The following FAM135B variants were observed in gnomAD, a reference collection of about 807,000 sequenced individuals.
FAM135B encodes family with sequence similarity 135 member B.
A neutral mutation model predicts 127.7 loss-of-function variants in FAM135B; 43 were observed. The ratio of observed to expected loss-of-function variants is 0.34; its 90% CI spans 0.26 to 0.43. The LOEUF is 0.43. FAM135B is among the 20% of genes least tolerant of loss of function. The probability of loss-of-function intolerance (pLI) is 1.00; values close to 1 mark genes in which losing one functional copy is unlikely to be tolerated. For synonymous variants in FAM135B, 670 were observed against 665.1 expected, an observed-to-expected ratio of 1.01 and a Z score of -0.11; for missense variants, 1,558 against 1,725.6, an observed-to-expected ratio of 0.90 and a Z score of 1.72.
chr8:138,221,820 A>G (rs1819042877), intron 7 of FAM135B, among the ~76,000 whole-genome samples: 1 of 152,224 alleles, frequency 6.6e-6, no homozygotes, highest in Non-Finnish European at 1.5e-5. Flanking sequence ...TTACAAAGCT[A>G]AAGAATGCAT....
intron 3 of FAM135B, among the ~76,000 whole-genome samples, chr8:138,295,997 G>A (rs1003973935): frequency 3.9e-5 from 6 of 152,122 alleles, no homozygotes; most frequent in African/African-American, 7.2e-5. Flanking sequence ...GCATGCATCC[G>A]GGATGATTTC....
rs150803757 is a variant in FAM135B, at chr8:138,443,948, T to C, written c.-20+52723A>G. 6.4e-3 allele frequency among the ~76,000 whole-genome samples: 978 copies of C among 152,128 alleles called. 14 individuals are homozygous for C. Among genetic ancestry groups the C allele is most frequent in the East Asian group, 0.034 (174 of 5,166 alleles). On this transcript the variant is annotated intron_variant, in intron 1 of 19. Coordinates refer to ENST00000395297, the MANE Select transcript of FAM135B (RefSeq NM_015912.4). The stretch of plus-strand genomic sequence containing the variant: ...CACACATAGGCTCAAAATAAAGGGA[T>C]GGAGGAAGATCTACCAAGCAAATGG...
At chr8:138,146,782 C>T (rs552923579) in intron 14 of FAM135B, among the ~76,000 whole-genome samples, 2 of 152,242 alleles carry the variant, frequency 1.3e-5, no homozygotes, top group East Asian at 3.9e-4. Flanking sequence ...CGTAGGGGTT[C>T]AATTGTGTCT....
chr8:138,473,805 AT>A (rs1411385658), intron 1 of FAM135B, among the ~76,000 whole-genome samples: 2 of 151,582 alleles, frequency 1.3e-5, no homozygotes, highest in Admixed American at 6.6e-5. Flanking sequence ...GTCATGTTAA[AT>A]TTTTTATCCA....
At position 138,241,965 on chromosome 8, in the gene FAM135B, T is replaced by A. The variant is rs1345357232; in HGVS notation, c.669+977A>T. Among the ~76,000 whole-genome samples, 1 of 152,134 alleles carries A rather than the reference T, an allele frequency of 6.6e-6. No homozygotes were observed. The highest frequency in any genetic ancestry group is 6.6e-5 in the Admixed American group (1 of 15,266). On this transcript the variant is annotated intron_variant, in intron 7 of 19. Transcript: ENST00000395297. The surrounding 1 kb of genome is among the most constrained non-coding windows in gnomAD (Gnocchi z 4.8). The stretch of plus-strand genomic sequence containing the variant: ...TGTCTCTCTTATTTATTGTCTTTGA[T>A]CTGGGACATCAGTTTTCTCCTGCCT...
intron 1 of FAM135B, among the ~76,000 whole-genome samples, chr8:138,493,562 T>C (rs1024308956): frequency 1.3e-5 from 2 of 152,198 alleles, no homozygotes; most frequent in African/African-American, 4.8e-5. Flanking sequence ...GTGGCTATCA[T>C]TACAATGCTA....
At chr8:138,221,204 TCTGTTTCTGGGG>T (rs1328119597) in intron 7 of FAM135B, among the ~76,000 whole-genome samples, 4 of 152,176 alleles carry the variant, frequency 2.6e-5, no homozygotes, top group African/African-American at 9.7e-5. Flanking sequence ...CATACTGGCT[TCTGTTTCTGGGG>T]AAGCCTCAGG....
chr8:138,304,223 G>A (rs981196021), intron 3 of FAM135B, among the ~76,000 whole-genome samples: 3 of 152,160 alleles, frequency 2.0e-5, no homozygotes, highest in Non-Finnish European at 2.9e-5. Context: ...ATGACCCTGT[G>A]TTAGTAGCCA....
intron 9 of FAM135B, among the ~76,000 whole-genome samples, chr8:138,183,591 T>A (rs1815278556): frequency 6.6e-6 from 1 of 152,240 alleles, no homozygotes; most frequent in African/African-American, 2.4e-5. Context: ...CCTGGAGACT[T>A]CTGGCATGGG....
chr8:138,474,716 A>G (rs1228369132), intron 1 of FAM135B, among the ~76,000 whole-genome samples: 3 of 152,010 alleles, frequency 2.0e-5, no homozygotes, highest in Non-Finnish European at 2.9e-5. Flanking sequence ...TTTGTACTTT[A>G]CTGCATTATG....
At chr8:138,428,323 G>C (rs57561804) in intron 1 of FAM135B, among the ~76,000 whole-genome samples, 30,551 of 152,010 alleles carry the variant, frequency 0.2, 4,614 homozygotes, top group African/African-American at 0.42. Context: ...CTAGTATACA[G>C]TCCAACGCCC....
At chr8:138,178,022 A>G (rs1814643219) in intron 10 of FAM135B, among the ~76,000 whole-genome samples, 1 of 152,140 alleles carries the variant, frequency 6.6e-6, no homozygotes, top group South Asian at 2.1e-4. Flanking sequence ...AGGCGGGCAG[A>G]TTGCCTGAGG....
intron 9 of FAM135B, among the ~76,000 whole-genome samples, chr8:138,189,237 C>T (rs1057034846): frequency 6.6e-6 from 1 of 152,268 alleles, no homozygotes; most frequent in Non-Finnish European, 1.5e-5. Context: ...CTGGGGATGG[C>T]CAAACCCTGA....
At chr8:138,223,296 C>T (rs1323375971) in intron 7 of FAM135B, among the ~76,000 whole-genome samples, 1 of 152,208 alleles carries the variant, frequency 6.6e-6, no homozygotes, top group Non-Finnish European at 1.5e-5. Context: ...AACTACTTCA[C>T]CCAACACTTG....
At chr8:138,427,602 T>A (rs1428444123) in intron 1 of FAM135B, among the ~76,000 whole-genome samples, 1 of 151,966 alleles carries the variant, frequency 6.6e-6, no homozygotes, top group Non-Finnish European at 1.5e-5. Flanking sequence ...GGTCAGTGAG[T>A]GAGTAAACGT....
chr8:138,322,067 A>C (rs2130948414), intron 2 of FAM135B, among the ~76,000 whole-genome samples: 1 of 152,338 alleles, frequency 6.6e-6, no homozygotes, highest in Non-Finnish European at 1.5e-5. Context: ...CAAATTCCCA[A>C]GGATTCAAAA....
chr8:138,328,714 C>T (rs1047201773), intron 2 of FAM135B, among the ~76,000 whole-genome samples: 1 of 152,176 alleles, frequency 6.6e-6, no homozygotes, highest in African/African-American at 2.4e-5. Context: ...TGAAATCAAA[C>T]AGAGCTAGGT....
chr8:138,143,175 C>T, intron 15 of FAM135B, 66 bp from the exon 16 acceptor site: 1 of 858,330 alleles, frequency 1.2e-6, no homozygotes, highest in East Asian at 2.4e-5. Flanking sequence ...TGTGCACAGC[C>T]TGTGTTCTTC....
At chr8:138,490,869 G>A (rs561837921) in intron 1 of FAM135B, among the ~76,000 whole-genome samples, 24 of 152,260 alleles carry the variant, frequency 1.6e-4, no homozygotes, top group Admixed American at 9.8e-4. Flanking sequence ...TAGGCCAGGC[G>A]CGGTGGATCA....
Sources: gnomAD v4.1 joint callset for allele counts (sites outside exome capture counted in the v4.1 genomes callset) on GRCh38, gnomAD v4.1.1 for gene constraint, Gnocchi (gnomAD v3.1) non-coding constraint, MANE v1.5 for transcripts, NCBI Gene and HGNC (gene_info 2026-07-23, HGNC 2026-07-21) for gene names.